FAT3: variants seen among roughly 807,000 people sequenced by gnomAD.
The protein encoded by FAT3 is FAT atypical cadherin 3, also known as protocadherin Fat 3.
A neutral mutation model predicts 310.2 loss-of-function variants in FAT3; 95 were observed. That is an observed-to-expected ratio of 0.31 (90% CI 0.26 to 0.36). FAT3 has a LOEUF of 0.36. Among genes scored for constraint, FAT3 ranks in the 10% least tolerant of loss-of-function variants. The probability of loss-of-function intolerance (pLI) is 1.00; values close to 1 mark genes in which losing one functional copy is unlikely to be tolerated. For missense variants in FAT3, 5,408 were observed against 5,715.6 expected, an observed-to-expected ratio of 0.95 and a Z score of 1.74; for synonymous variants, 2,314 against 2,192.9, an observed-to-expected ratio of 1.06 and a Z score of -1.54.
At chr11:92,367,769 C>T (rs1040546869) in intron 2 of FAT3, among the ~76,000 whole-genome samples, 6 of 152,334 alleles carry the variant, frequency 3.9e-5, no homozygotes, top group South Asian at 2.1e-4. Context: ...GCCCATCCTT[C>T]GGCATTGTGG....
chr11:92,849,678 C>T (rs1484310951), intron 19 of FAT3, among the ~76,000 whole-genome samples: 1 of 152,162 alleles, frequency 6.6e-6, no homozygotes, highest in Non-Finnish European at 1.5e-5. Context: ...TGGAGGAGTA[C>T]AAGAAAGACA....
chr11:92,579,604 C>T (rs1462093607), intron 3 of FAT3, among the ~76,000 whole-genome samples: 2 of 151,954 alleles, frequency 1.3e-5, no homozygotes, highest in Non-Finnish European at 2.9e-5. Context: ...GAAGTCTATC[C>T]CTAGAAGGGC....
At chr11:92,500,894 A>C (rs900031910) in intron 2 of FAT3, among the ~76,000 whole-genome samples, 8 of 152,054 alleles carry the variant, frequency 5.3e-5, no homozygotes, top group African/African-American at 1.7e-4. Flanking sequence ...TAAGTTAATA[A>C]ATGAATTTTA....
chr11:92,840,315 G>A (rs367956605), intron 17 of FAT3, among the ~76,000 whole-genome samples: 2 of 152,286 alleles, frequency 1.3e-5, no homozygotes, highest in East Asian at 3.9e-4. Context: ...CACACCAGTA[G>A]AGGATTGTCC....
chr11:92,875,616 CA>C (rs547424116), intron 22 of FAT3, among the ~76,000 whole-genome samples: 49 of 152,224 alleles, frequency 3.2e-4, no homozygotes, highest in African/African-American at 1.1e-3. Flanking sequence ...CTGATGACTG[CA>C]GTGTAAGTAC....
intron 3 of FAT3, among the ~76,000 whole-genome samples, chr11:92,688,224 G>A (rs995571662): frequency 6.6e-6 from 1 of 151,874 alleles, no homozygotes. Flanking sequence ...TAATTAATAA[G>A]TAAAGTCAAA....
Position 92,799,281 on chromosome 11 carries a change from T to G in FAT3, c.6268T>G (p.Tyr2090Asp). The change falls in exon 10 of 28, where the codon TAT (tyrosine) becomes GAT (aspartate). Residue 2090 changes from tyrosine (Y) to aspartate (D), a missense_variant. Around this residue, in one of 5 missense-constraint regions of FAT3, gnomAD observed 4,588 missense variants for 4,809.8 expected, o/e 0.95. Coordinates refer to ENST00000525166, the MANE Select transcript of FAT3 (RefSeq NM_001367949.2). ...TCCAGTCTTTGTGGGCCTCCCATAC[T>G]ATGCTGCTGTTCAAGTGGATGCGGA... ...NSPVFVGLPY[Y>D]AAVQVDAEPG... 6.2e-7 allele frequency: 1 copy of G among 1,613,952 alleles called. No individual in the cohort carries two copies. The highest frequency in any genetic ancestry group is 2.2e-5 in the East Asian group (1 of 44,858).
chr11:92,357,865 A>G (rs538194223), intron 2 of FAT3, among the ~76,000 whole-genome samples: 8 of 151,994 alleles, frequency 5.3e-5, no homozygotes, highest in East Asian at 1.9e-4. Context: ...TGAATTATAT[A>G]TATATTAAAA....
At chr11:92,593,248 T>C (rs145498483) in intron 3 of FAT3, among the ~76,000 whole-genome samples, 2 of 152,258 alleles carry the variant, frequency 1.3e-5, no homozygotes, top group African/African-American at 4.8e-5. Flanking sequence ...TTGATTATTG[T>C]GAATAATGCT....
At chr11:92,572,493 G>A (rs1308009535) in intron 3 of FAT3, among the ~76,000 whole-genome samples, 3 of 152,062 alleles carry the variant, frequency 2.0e-5, no homozygotes, top group African/African-American at 7.2e-5. Flanking sequence ...AGCTAGAGTA[G>A]GTTTTTAATA....
chr11:92,351,080 A>G (rs1413061795), intron 1 of FAT3, among the ~76,000 whole-genome samples: 1 of 152,172 alleles, frequency 6.6e-6, no homozygotes, highest in Non-Finnish European at 1.5e-5. Context: ...AAACTGTCCA[A>G]ATTTAATAGT....
intron 4 of FAT3, among the ~76,000 whole-genome samples, chr11:92,760,083 C>T (rs944052133): frequency 1.3e-5 from 2 of 152,274 alleles, no homozygotes; most frequent in African/African-American, 4.8e-5. Context: ...TCAGAACTGG[C>T]ATGTCAAGGA....
intron 2 of FAT3, among the ~76,000 whole-genome samples, chr11:92,392,421 G>A (rs1327300723): frequency 6.6e-6 from 1 of 152,096 alleles, no homozygotes; most frequent in Admixed American, 6.5e-5. Context: ...ACGTATTTCT[G>A]TCTCACTCTA....
At chr11:92,447,176 T>TGTGTG (rs1491419557) in intron 2 of FAT3, among the ~76,000 whole-genome samples, 2 of 151,810 alleles carry the variant, frequency 1.3e-5, no homozygotes, top group African/African-American at 4.8e-5. Flanking sequence ...TGTGTACATA[T>TGTGTG]GTGTGTGTAT....
chr11:92,398,675 C>T (rs1348427267), intron 2 of FAT3, among the ~76,000 whole-genome samples: 1 of 152,102 alleles, frequency 6.6e-6, no homozygotes, highest in Non-Finnish European at 1.5e-5. Flanking sequence ...CCAGCTAGGG[C>T]TCCAACCTAT....
chr11:92,717,792 C>T (rs1944732643), intron 4 of FAT3, among the ~76,000 whole-genome samples: 1 of 152,066 alleles, frequency 6.6e-6, no homozygotes, highest in Non-Finnish European at 1.5e-5. Flanking sequence ...TAAGATTTGG[C>T]TCATTGGGAC....
intron 2 of FAT3, among the ~76,000 whole-genome samples, chr11:92,520,716 T>A (rs1239764284): frequency 6.6e-6 from 1 of 152,106 alleles, no homozygotes; most frequent in Non-Finnish European, 1.5e-5. Context: ...TTAGCATGAT[T>A]AATATTGAGT....
intron 1 of FAT3, among the ~76,000 whole-genome samples, chr11:92,249,841 A>G (rs545652770): frequency 2.3e-4 from 35 of 152,222 alleles, no homozygotes; most frequent in Admixed American, 2.0e-3. Flanking sequence ...AGACTTTACA[A>G]CCAAGAAGAG....
At chr11:92,626,437 GA>G (rs1591536373) in intron 3 of FAT3, among the ~76,000 whole-genome samples, 1 of 150,142 alleles carries the variant, frequency 6.7e-6, no homozygotes, top group Admixed American at 6.6e-5. Flanking sequence ...TTTAGATCAA[GA>G]AAAAGGGAAT....
Sources: allele counts gnomAD v4.1 joint callset (sites outside exome capture counted in the v4.1 genomes callset), GRCh38; gene constraint gnomAD v4.1.1; regional missense constraint gnomAD v4.1.1; transcripts MANE v1.5; gene names NCBI Gene and HGNC (gene_info 2026-07-23, HGNC 2026-07-21).